The following INHBB variants were observed in gnomAD, a reference collection of about 807,000 sequenced individuals.
INHBB encodes the protein inhibin subunit beta B.
A neutral mutation model predicts 28.9 loss-of-function variants in INHBB; 8 were observed. The ratio of observed to expected loss-of-function variants is 0.28; its 90% CI spans 0.16 to 0.50. INHBB has a LOEUF of 0.50. INHBB is among the 20% of genes least tolerant of loss of function. The pLI is 0.98. For synonymous variants in INHBB, 293 were observed against 262.7 expected (o/e 1.12, Z -1.12); for missense variants, 499 against 597.8 (o/e 0.83, Z 1.72).
intron 1 of INHBB, among the ~76,000 whole-genome samples, chr2:120,346,910 C>T (rs1380858990): frequency 2.0e-5 from 3 of 152,250 alleles, no homozygotes; most frequent in Admixed American, 6.5e-5. Context: ...CCCAGCGCCT[C>T]TGGGCGCGCG....
intron 1 of INHBB, among the ~76,000 whole-genome samples, chr2:120,346,909 T>C (rs950839815): frequency 6.6e-6 from 1 of 152,142 alleles, no homozygotes; most frequent in Admixed American, 6.5e-5. Flanking sequence ...CCCCAGCGCC[T>C]CTGGGCGCGC....
chr2:120,346,171 C>T lies in INHBB; in HGVS notation c.-18C>T. 8.7e-7 allele frequency: 1 copy of T among 1,147,972 alleles called. No individual in the cohort carries two copies. The highest frequency in any genetic ancestry group is 4.3e-5 in the South Asian group (1 of 23,192). 71.1% of individuals were successfully genotyped at this position (1,147,972 alleles called of 1,614,324 possible). A position where few individuals can be genotyped will look rare whatever the true frequency, so the allele number is the denominator to read the frequency against. On this transcript the variant is annotated 5_prime_UTR_variant, in exon 1 of 2. Transcript: ENST00000295228. Reference sequence around the variant, plus strand: ...CGGCTCGCCTCGCGGCGGGCGCCCTCGTCGCCAGCGGCGCACCATGGACGG... The same window carrying T: ...CGGCTCGCCTCGCGGCGGGCGCCCTTGTCGCCAGCGGCGCACCATGGACGG...
In INHBB at chr2:120,349,288, A is replaced by C; in HGVS notation, c.638A>C (p.Asn213Thr). The C allele has an allele frequency of 6.2e-7, 1 of 1,614,200 alleles. No individual in the cohort carries two copies. Among genetic ancestry groups the C allele is most frequent in the Non-Finnish European group, 8.5e-7 (1 of 1,180,040 alleles). The part of the protein sequence containing the change: ...FQEQGHGDRW[N>T]MVEKRVDLKR... ...GAGCAGGGCCACGGTGACAGGTGGA[A>C]CATGGTGGAGAAGAGGGTGGACCTC... Residue 213 changes from asparagine (N) to threonine (T), a missense_variant, in exon 2 of 2, where the codon AAC becomes ACC. Around this residue, in one of 2 missense-constraint regions of INHBB, gnomAD observed 385 missense variants for 415.2 expected, o/e 0.93. Transcript: ENST00000295228. This position sits in a 1 kb window ranked among gnomAD's most constrained non-coding sequence, Gnocchi z 5.6.
chr2:120,346,918 G>A (rs1691166465), intron 1 of INHBB, among the ~76,000 whole-genome samples: 1 of 152,230 alleles, frequency 6.6e-6, no homozygotes. Context: ...CTCTGGGCGC[G>A]CGTCCCCCTC....
Position 120,349,707 on chromosome 2 carries a change from G to A in INHBB, c.1057G>A (p.Ala353Thr). Residue 353 changes from alanine to threonine, a missense_variant, in exon 2 of 2, where the codon GCT (alanine) becomes ACT (threonine). By Grantham distance (58) the Ala-to-Thr change is moderately conservative. Transcript: ENST00000295228. This position sits in a 1 kb window ranked among gnomAD's most constrained non-coding sequence, Gnocchi z 5.6. ...CGGCTCTGCCTCCTCCTTCCACACG[G>A]CTGTGGTGAACCAGTACCGCATGCG... The part of the protein sequence containing the change: ...VPGSASSFHT[A>T]VVNQYRMRGL... 6.2e-7 allele frequency: 1 copy of A among 1,613,818 alleles called. No individual in the cohort carries two copies. Among genetic ancestry groups the A allele is most frequent in the Non-Finnish European group, 8.5e-7 (1 of 1,180,038 alleles).
chr2:120,347,378 G>T (rs1358175679), intron 1 of INHBB, among the ~76,000 whole-genome samples: 1 of 150,094 alleles, frequency 6.7e-6, no homozygotes, highest in Non-Finnish European at 1.5e-5. Context: ...AAAGGGTATG[G>T]CTCCTTTCTG....
Position 120,349,402 on chromosome 2 carries a change from A to C in INHBB, c.752A>C (p.Gln251Pro). ...RGERRLNLDVQCDSCQELAVV... is the reference protein window; with the variant it reads ...RGERRLNLDVPCDSCQELAVV... Reference sequence around the variant, plus strand: ...GAGCGGCGACTCAACCTAGACGTGCAGTGTGACAGCTGCCAGGAGCTGGCC... The same window carrying C: ...GAGCGGCGACTCAACCTAGACGTGCCGTGTGACAGCTGCCAGGAGCTGGCC... Residue 251 changes from glutamine to proline, a missense_variant, in exon 2 of 2, where the codon CAG (glutamine) becomes CCG (proline). Around this residue, in one of 2 missense-constraint regions of INHBB, gnomAD observed 385 missense variants for 415.2 expected, o/e 0.93. Coordinates refer to ENST00000295228, the MANE Select transcript of INHBB (RefSeq NM_002193.4). This position sits in a 1 kb window ranked among gnomAD's most constrained non-coding sequence, Gnocchi z 5.6. 6.2e-7 allele frequency: 1 copy of C among 1,613,784 alleles called. No individual in the cohort carries two copies. The highest frequency in any genetic ancestry group is 8.5e-7 in the Non-Finnish European group (1 of 1,179,998).
intron 1 of INHBB, among the ~76,000 whole-genome samples, chr2:120,347,825 C>T (rs559271977): frequency 6.6e-6 from 1 of 152,314 alleles, no homozygotes; most frequent in East Asian, 1.9e-4. Context: ...GAAAGAAATG[C>T]ATTGCCGTTT....
chr2:120,349,483 T>C lies in INHBB; in HGVS notation c.833T>C (p.Val278Ala), dbSNP rs1573388633. ...GEESHRPFVV[V>A]QARLGDSRHR... ...GAGTCGCACCGGCCCTTTGTGGTGG[T>C]GCAGGCTCGGCTGGGCGACAGCAGG... The change falls in exon 2 of 2, where the codon GTG becomes GCG. Residue 278 changes from valine (V) to alanine (A), a missense_variant. By Grantham distance (64) the Val-to-Ala change is moderately conservative. Coordinates refer to ENST00000295228, the MANE Select transcript of INHBB (RefSeq NM_002193.4). This position sits in a 1 kb window ranked among gnomAD's most constrained non-coding sequence, Gnocchi z 5.6. The C allele has an allele frequency of 2.5e-6, 4 of 1,613,526 alleles. No homozygotes were observed. The highest frequency in any genetic ancestry group is 3.4e-6 in the Non-Finnish European group (4 of 1,180,004).
At position 120,346,572 on chromosome 2, in the gene INHBB, C is replaced by T. The variant is rs975785422; in HGVS notation, c.384C>T (p.Gly128=). Residue 128 remains glycine, a synonymous_variant, in exon 1 of 2, where the codon GGC becomes GGT. Transcript: ENST00000295228. ...DGRVEIPHLD[G]HASPGADGQE... is the part of the protein sequence containing the mutation. ...GCGTGGAGATCCCGCACCTCGACGG[C>T]CACGCCAGCCCGGGCGCCGACGGCC... 12 of 1,469,766 alleles carry T rather than the reference C, an allele frequency of 8.2e-6. No homozygotes were observed. Among genetic ancestry groups the T allele is most frequent in the Non-Finnish European group, 1.1e-5 (12 of 1,118,776 alleles). 91.0% of individuals were successfully genotyped at this position (1,469,766 alleles called of 1,614,324 possible).
chr2:120,346,982 ATGTTTT>A (rs571519934), intron 1 of INHBB, among the ~76,000 whole-genome samples: 100 of 152,310 alleles, frequency 6.6e-4, no homozygotes, highest in Non-Finnish European at 1.2e-3. Context: ...TGATTGCTTA[ATGTTTT>A]TGTTTCCCAC....
In INHBB at chr2:120,349,403, G is replaced by C. The variant is rs1301215368; in HGVS notation, c.753G>C (p.Gln251His). 2 of 1,613,874 alleles carry C rather than the reference G, an allele frequency of 1.2e-6. No homozygotes were observed. The highest frequency in any genetic ancestry group is 1.7e-6 in the Non-Finnish European group (2 of 1,180,040). The change falls in exon 2 of 2, where the codon CAG becomes CAC. Residue 251 changes from glutamine (Q) to histidine (H), a missense_variant. Coordinates refer to ENST00000295228, the MANE Select transcript of INHBB (RefSeq NM_002193.4). The surrounding 1 kb of genome is among the most constrained non-coding windows in gnomAD (Gnocchi z 5.6). The part of the protein sequence containing the change: ...RGERRLNLDV[Q>H]CDSCQELAVV... Reference sequence around the variant, plus strand: ...AGCGGCGACTCAACCTAGACGTGCAGTGTGACAGCTGCCAGGAGCTGGCCG... The same window carrying C: ...AGCGGCGACTCAACCTAGACGTGCACTGTGACAGCTGCCAGGAGCTGGCCG...
rs986883919 is a variant in INHBB at position 120,349,208 on chromosome 2, C to G, written c.558C>G (p.Pro186=). ...ASLWLYLKLL[P]YVLEKGSRRK... ...TGTGGCTTTACCTGAAACTCCTGCC[C>G]TACGTCCTGGAGAAGGGCAGCCGGC... Residue 186 remains proline (P), a synonymous_variant, in exon 2 of 2, where the codon CCC becomes CCG. Coordinates refer to ENST00000295228, the MANE Select transcript of INHBB (RefSeq NM_002193.4). The surrounding 1 kb of genome is among the most constrained non-coding windows in gnomAD (Gnocchi z 5.6). 2 of 1,614,076 alleles carry G rather than the reference C, an allele frequency of 1.2e-6. No individual in the cohort carries two copies. The highest frequency in any genetic ancestry group is 2.7e-5 in the African/African-American group (2 of 74,934).
In INHBB at chr2:120,346,630, G is replaced by A. The variant is rs1691159210; in HGVS notation, c.442G>A (p.Glu148Lys). The A allele has an allele frequency of 1.4e-6, 2 of 1,443,120 alleles. No individual in the cohort carries two copies. The highest frequency in any genetic ancestry group is 5.5e-5 in the East Asian group (2 of 36,310). 89.4% of individuals were successfully genotyped at this position (1,443,120 alleles called of 1,614,324 possible). A position where few individuals can be genotyped will look rare whatever the true frequency, so the allele number is the denominator to read the frequency against. ...ERVSEIISFA[E>K]TDGLASSRVR... ...CGTTTCCGAAATCATCAGCTTCGCCGAGACAGGTGGGTCCGGCCCTCCGGC... is the reference window on the plus strand; with the variant it reads ...CGTTTCCGAAATCATCAGCTTCGCCAAGACAGGTGGGTCCGGCCCTCCGGC... Residue 148 changes from glutamate to lysine, a missense_variant, in exon 1 of 2, where the codon GAG becomes AAG. By Grantham distance (56) the Glu-to-Lys change is moderately conservative (BLOSUM62 1). This residue lies in a region of INHBB where 385 missense variants were observed against 415.2 expected (regional missense o/e 0.93). Coordinates refer to ENST00000295228, the MANE Select transcript of INHBB (RefSeq NM_002193.4).
In INHBB at chr2:120,349,301, G is replaced by A. The variant is rs1468197251; in HGVS notation, c.651G>A (p.Lys217=). Residue 217 remains lysine (K), a synonymous_variant, in exon 2 of 2, where the codon AAG becomes AAA. Coordinates refer to ENST00000295228, the MANE Select transcript of INHBB (RefSeq NM_002193.4). This position sits in a 1 kb window ranked among gnomAD's most constrained non-coding sequence, Gnocchi z 5.6. ...GTGACAGGTGGAACATGGTGGAGAA[G>A]AGGGTGGACCTCAAGCGCAGCGGCT... ...GHGDRWNMVE[K]RVDLKRSGWH... is the part of the protein sequence containing the mutation. 1.2e-6 allele frequency: 2 copies of A among 1,614,218 alleles called. No individual in the cohort carries two copies. Among genetic ancestry groups the A allele is most frequent in the Non-Finnish European group, 1.7e-6 (2 of 1,180,052 alleles).
Position 120,350,012 on chromosome 2 carries a change from G to C in INHBB, c.*138G>C. The C allele has an allele frequency of 1.2e-6, 1 of 835,174 alleles. No homozygotes were observed. Among genetic ancestry groups the C allele is most frequent in the Non-Finnish European group, 1.8e-6 (1 of 546,200 alleles). The allele number at this position is 835,174 out of a possible 1,614,324, so 51.7% of individuals were successfully genotyped here. A position where few individuals can be genotyped will look rare whatever the true frequency, so the allele number is the denominator to read the frequency against. The stretch of plus-strand genomic sequence containing the variant: ...GGCTGTGGAGATAGTGCCAGGGTGC[G>C]GCCTGAGATATTTTTCTACAGCTTC... On this transcript the variant is annotated 3_prime_UTR_variant, in exon 2 of 2. Transcript: ENST00000295228.
chr2:120,346,231 C>A lies in INHBB; in HGVS notation c.43C>A (p.Leu15Met). Residue 15 changes from leucine to methionine, a missense_variant, in exon 1 of 2, where the codon CTG (leucine) becomes ATG (methionine). By Grantham distance (15) the Leu-to-Met change is conservative. Around this residue, in one of 2 missense-constraint regions of INHBB, gnomAD observed 385 missense variants for 415.2 expected, o/e 0.93. Coordinates refer to ENST00000295228, the MANE Select transcript of INHBB (RefSeq NM_002193.4). ...PGRALGAACLLLLAAGWLGPE... is the reference protein window; with the variant it reads ...PGRALGAACLMLLAAGWLGPE... The stretch of plus-strand genomic sequence containing the variant: ...TCGGGCGCTGGGGGCCGCCTGCCTT[C>A]TGCTGCTGGCGGCCGGCTGGCTGGG... 8.2e-7 allele frequency: 1 copy of A among 1,222,578 alleles called. No homozygotes were observed. Among genetic ancestry groups the A allele is most frequent in the South Asian group, 3.9e-5 (1 of 25,318 alleles). The allele number at this position is 1,222,578 out of a possible 1,614,324, so 75.7% of individuals were successfully genotyped here. A position where few individuals can be genotyped will look rare whatever the true frequency, so the allele number is the denominator to read the frequency against.
chr2:120,350,233 C>T lies in INHBB; in HGVS notation c.*359C>T. 1 of 262,820 alleles carries T rather than the reference C, an allele frequency of 3.8e-6. No homozygotes were observed. The allele number at this position is 262,820 out of a possible 1,614,324, so 16.3% of individuals were successfully genotyped here. A position where few individuals can be genotyped will look rare whatever the true frequency, so the allele number is the denominator to read the frequency against. On this transcript the variant is annotated 3_prime_UTR_variant, in exon 2 of 2. Coordinates refer to ENST00000295228, the MANE Select transcript of INHBB (RefSeq NM_002193.4). ...AGTCGGAGAGAATGGGGTGAGCAGC[C>T]ACCATTCCCACCAGCTGGCCCGGCC...
intron 1 of INHBB, among the ~76,000 whole-genome samples, chr2:120,348,648 A>C (rs1406374072): frequency 3.2e-5 from 4 of 125,142 alleles, no homozygotes; most frequent in African/African-American, 1.2e-4. Context: ...GCAATGCGCT[A>C]AGTTAACCAA....
Sources: allele counts gnomAD v4.1 joint callset (sites outside exome capture counted in the v4.1 genomes callset), GRCh38; gene constraint gnomAD v4.1.1; regional missense constraint gnomAD v4.1.1; non-coding constraint Gnocchi (gnomAD v3.1); transcripts MANE v1.5; gene names NCBI Gene and HGNC (gene_info 2026-07-23, HGNC 2026-07-21).